SLC6A4: variants seen among roughly 807,000 people sequenced by gnomAD.
SLC6A4 encodes the protein solute carrier family 6 member 4, also known as sodium-dependent serotonin transporter.
In SLC6A4, 22 loss-of-function variants were observed where a neutral mutation model predicts 73.4. The ratio of observed to expected loss-of-function variants is 0.30; its 90% CI spans 0.21 to 0.43. SLC6A4 has a LOEUF of 0.43. Among genes scored for constraint, SLC6A4 ranks in the 20% least tolerant of loss-of-function variants. The probability of loss-of-function intolerance (pLI) is 1.00; values close to 1 mark genes in which losing one functional copy is unlikely to be tolerated. For missense variants in SLC6A4, 593 were observed against 808.5 expected, an observed-to-expected ratio of 0.73 and a Z score of 3.23; for synonymous variants, 270 against 315.5, an observed-to-expected ratio of 0.86 and a Z score of 1.53.
chr17:30,209,463 G>A (rs1457820452), intron 11 of SLC6A4, among the ~76,000 whole-genome samples: 1 of 151,980 alleles, frequency 6.6e-6, no homozygotes, highest in Non-Finnish European at 1.5e-5. Flanking sequence ...CCTGAGGTCA[G>A]GAGTTTGAGA....
intron 3 of SLC6A4, among the ~76,000 whole-genome samples, 184 bp downstream of exon 3, chr17:30,221,426 CCCCAGG>C (rs1567821405): frequency 1.1e-5 from 1 of 94,826 alleles, no homozygotes; most frequent in Non-Finnish European, 2.5e-5. Context: ...TCACAGCCCA[CCCCAGG>C]TCACAGCCCA....
At chr17:30,233,519 C>T (rs1004136502) in intron 1 of SLC6A4, among the ~76,000 whole-genome samples, 7 of 152,174 alleles carry the variant, frequency 4.6e-5, no homozygotes, top group South Asian at 2.1e-4. Flanking sequence ...ACCGGCCCTC[C>T]GGCATTTTTG....
rs1555591454 is a variant in SLC6A4, at chr17:30,230,098, G to GAAGAAGAAGAAGAAGAGGAA, written c.-221+5514_-221+5515insTTCCTCTTCTTCTTCTTCTT. Among the ~76,000 whole-genome samples the GAAGAAGAAGAAGAAGAGGAA allele has an allele frequency of 5.6e-5, 5 of 89,626 alleles. No individual in the cohort carries two copies. The South Asian group carries it at 1.2e-3, about 22-fold the overall frequency. The allele number at this position is 89,626 out of a possible 152,430, so 58.8% of individuals were successfully genotyped here. On this transcript the variant is annotated intron_variant, in intron 1 of 14. Transcript: ENST00000650711. ...AAGAAGAAGAAGAAGAAGAAGAAGAGGAGGAAGAGGAAGAGGAAGAGGAAG... is the reference window on the plus strand; with the variant it reads ...AAGAAGAAGAAGAAGAAGAAGAAGAGAAGAAGAAGAAGAAGAGGAAGAGGAAGAGGAAGAGGAAGAGGAAG...
intron 13 of SLC6A4, chr17:30,204,608 C>T (rs1281064476): frequency 1.3e-5 from 2 of 152,176 alleles, no homozygotes; most frequent in African/African-American, 4.8e-5. Context: ...CAGAAACCCC[C>T]TCACACATCC....
intron 3 of SLC6A4, 126 bp from the exon 4 acceptor site, chr17:30,219,057 G>C: frequency 9.3e-7 from 1 of 1,080,606 alleles, no homozygotes; most frequent in Non-Finnish European, 1.4e-6. Flanking sequence ...GGGCTGAGTG[G>C]CCTCATGCTG....
intron 12 of SLC6A4, among the ~76,000 whole-genome samples, chr17:30,208,038 C>T (rs55817332): frequency 1.3e-5 from 2 of 152,044 alleles, no homozygotes; most frequent in African/African-American, 2.4e-5. Context: ...CAATCTGGTC[C>T]GAAAGTGGGG....
chr17:30,204,196 C>T (rs547574388), intron 13 of SLC6A4: 1 of 152,244 alleles, frequency 6.6e-6, no homozygotes, highest in South Asian at 2.1e-4. Context: ...ACCACTGTGC[C>T]GAAATTGTTA....
intron 1 of SLC6A4, among the ~76,000 whole-genome samples, chr17:30,229,706 C>T (rs899005464): frequency 5.9e-5 from 9 of 151,842 alleles, no homozygotes; most frequent in African/African-American, 2.2e-4. Flanking sequence ...AGCCACTGCG[C>T]CTGGTCCAAG....
At chr17:30,207,039 A>C (rs574655388) in intron 13 of SLC6A4, among the ~76,000 whole-genome samples, 8 of 152,276 alleles carry the variant, frequency 5.3e-5, no homozygotes, top group African/African-American at 1.9e-4. Context: ...GGAGTGCCAG[A>C]ACTATAACCA....
chr17:30,225,234 T>C (rs902430859), intron 1 of SLC6A4, among the ~76,000 whole-genome samples: 1 of 151,840 alleles, frequency 6.6e-6, no homozygotes, highest in African/African-American at 2.4e-5. Context: ...CTCCTTTTCT[T>C]AACTTACTCC....
Position 30,217,193 on chromosome 17 carries a change from G to A in SLC6A4, c.810C>T (p.Ile270=), listed in dbSNP as rs756777304. The A allele has an allele frequency of 6.2e-7, 1 of 1,614,088 alleles. No homozygotes were observed. ...TGCCAGAGGTCTTGACGCCTTTCCA[G>A]ATGCTGAAGTAGATAACAGTGAAGA... ...MLIFTVIYFS[I]WKGVKTSGKV... Residue 270 remains isoleucine, a synonymous_variant, in exon 6 of 15, where the codon ATC becomes ATT. Coordinates refer to ENST00000650711, the MANE Select transcript of SLC6A4 (RefSeq NM_001045.6).
At position 30,198,536 on chromosome 17, in the gene SLC6A4, G is replaced by A; in HGVS notation, c.1819-6C>T. The A allele has an allele frequency of 6.6e-7, 1 of 1,524,826 alleles. No homozygotes were observed. Among genetic ancestry groups the A allele is most frequent in the Non-Finnish European group, 9.1e-7 (1 of 1,102,632 alleles). 94.5% of individuals were successfully genotyped at this position (1,524,826 alleles called of 1,614,324 possible). A position where few individuals can be genotyped will look rare whatever the true frequency, so the allele number is the denominator to read the frequency against. ...GTAATACTTTTAATAATACGCTATTGGGAAGAAAATACAATGTTATAAACA... is the reference window on the plus strand; with the variant it reads ...GTAATACTTTTAATAATACGCTATTAGGAAGAAAATACAATGTTATAAACA... On this transcript the variant is annotated splice_polypyrimidine_tract_variant and splice_region_variant and intron_variant, in intron 14 of 14. Transcript: ENST00000650711.
rs940891810 is a variant in SLC6A4 at position 30,195,885 on chromosome 17, T to C, written c.*2571A>G. 4 of 151,614 alleles carry C rather than the reference T, an allele frequency of 2.6e-5. No homozygotes were observed. Among genetic ancestry groups the C allele is most frequent in the African/African-American group, 9.7e-5 (4 of 41,224 alleles). The allele number at this position is 151,614 out of a possible 1,614,324, so 9.4% of individuals were successfully genotyped here. On this transcript the variant is annotated 3_prime_UTR_variant, in exon 15 of 15. Transcript: ENST00000650711. Reference sequence around the variant, plus strand: ...CCAGGCTGGAATGCAGTGGAACGTTTGGCTCACTGCAACCTCTGCCTCCTG... The same window carrying C: ...CCAGGCTGGAATGCAGTGGAACGTTCGGCTCACTGCAACCTCTGCCTCCTG...
intron 8 of SLC6A4, among the ~76,000 whole-genome samples, chr17:30,214,920 AC>A (rs1906512118): frequency 1.3e-5 from 2 of 151,776 alleles, no homozygotes; most frequent in South Asian, 4.2e-4. Context: ...GGTGGGAGCC[AC>A]CGCACCCCGT....
At chr17:30,213,284 A>G (rs1906444352) in intron 8 of SLC6A4, among the ~76,000 whole-genome samples, 2 of 149,850 alleles carry the variant, frequency 1.3e-5, no homozygotes, top group African/African-American at 4.9e-5. Context: ...AGCCAGAGAG[A>G]TACCCTCATT....
intron 3 of SLC6A4, among the ~76,000 whole-genome samples, chr17:30,221,263 C>T (rs1906739952): frequency 6.6e-6 from 1 of 152,080 alleles, no homozygotes. Context: ...AGGTGTGAGC[C>T]ACCACGCCTG....
chr17:30,202,441 C>T (rs1325463061), intron 14 of SLC6A4, among the ~76,000 whole-genome samples: 2 of 152,126 alleles, frequency 1.3e-5, no homozygotes, highest in Non-Finnish European at 2.9e-5. Context: ...AAGGAAACTT[C>T]GAGCAGGATT....
intron 7 of SLC6A4, 87 bp from the exon 8 acceptor site, chr17:30,215,801 T>A: frequency 8.7e-7 from 1 of 1,148,376 alleles, no homozygotes; most frequent in African/African-American, 1.5e-5. Flanking sequence ...CCTGCCTCCA[T>A]GTGGCTAAGT....
chr17:30,218,014 G>T, intron 5 of SLC6A4, 104 bp downstream of exon 5: 1 of 832,448 alleles, frequency 1.2e-6, no homozygotes, highest in Non-Finnish European at 2.0e-6. Flanking sequence ...TCATCTCTCA[G>T]AAAGGGGTGA....
Sources: allele counts gnomAD v4.1 joint callset (sites outside exome capture counted in the v4.1 genomes callset), GRCh38; gene constraint gnomAD v4.1.1; transcripts MANE v1.5; gene names NCBI Gene and HGNC (gene_info 2026-07-23, HGNC 2026-07-21).